Variants in NDFIP1 observed in about 807,000 individuals in gnomAD.
NDFIP1 encodes NEDD4 family-interacting protein 1.
Under a neutral mutation model 28.8 loss-of-function variants are expected in NDFIP1, and 7 were observed. That is an observed-to-expected ratio of 0.24 (90% CI 0.14 to 0.46). The LOEUF (loss-of-function observed/expected upper bound fraction) is 0.46. Ranked by LOEUF, NDFIP1 falls within the 20% of genes least tolerant of loss-of-function variation. The pLI, the probability that NDFIP1 is intolerant of heterozygous loss-of-function variation, is 0.99. For missense variants in NDFIP1, 194 were observed against 269.1 expected, an observed-to-expected ratio of 0.72 and a Z score of 1.95; for synonymous variants, 92 against 101.0, an observed-to-expected ratio of 0.91 and a Z score of 0.53.
Position 142,153,705 on chromosome 5 carries a change from T to C in NDFIP1, c.*1977T>C, listed in dbSNP as rs1757470632. On this transcript the variant is annotated 3_prime_UTR_variant, in exon 8 of 8. Transcript: ENST00000253814. ...CTAAGTTCCAGAATGAAAAGATCTG[T>C]AACAATCTGAATAGATGTGGACACA... is the stretch of plus-strand genomic sequence containing the variant. 3.9e-6 allele frequency: 1 copy of C among 257,514 alleles called. No homozygotes were observed. Among genetic ancestry groups the C allele is most frequent in the Non-Finnish European group, 7.7e-6 (1 of 129,054 alleles). 16.0% of individuals were successfully genotyped at this position (257,514 alleles called of 1,614,324 possible).
intron 3 of NDFIP1, among the ~76,000 whole-genome samples, chr5:142,134,956 C>T (rs754980439): frequency 2.6e-5 from 4 of 152,014 alleles, no homozygotes; most frequent in South Asian, 2.1e-4. Context: ...ATATCAGCCT[C>T]GTAAAGCACT....
At chr5:142,110,482 C>G (rs961678744) in intron 1 of NDFIP1, among the ~76,000 whole-genome samples, 3 of 152,120 alleles carry the variant, frequency 2.0e-5, no homozygotes, top group Non-Finnish European at 4.4e-5. Flanking sequence ...TTTGTACTGC[C>G]ATCTTCTTGA....
chr5:142,142,968 T>TATATATATATA (rs1757352438), intron 6 of NDFIP1: 17 of 127,930 alleles, frequency 1.3e-4, no homozygotes, highest in South Asian at 5.3e-4. Context: ...TATATATATA[T>TATATATATATA]TAATAAGAGT....
intron 1 of NDFIP1, among the ~76,000 whole-genome samples, chr5:142,124,064 C>A (rs17208684): frequency 0.27 from 41,461 of 152,066 alleles, 6,970 homozygotes; most frequent in Non-Finnish European, 0.37. Context: ...GATCATGACC[C>A]ATCAAGGACC....
chr5:142,136,335 T>C (rs1303980948), intron 4 of NDFIP1, among the ~76,000 whole-genome samples: 1 of 152,244 alleles, frequency 6.6e-6, no homozygotes, highest in Non-Finnish European at 1.5e-5. Context: ...TGATGTTATA[T>C]AAGTTGTCAA....
chr5:142,120,410 T>A (rs7700877), intron 1 of NDFIP1, among the ~76,000 whole-genome samples: 1 of 152,194 alleles, frequency 6.6e-6, no homozygotes, highest in Non-Finnish European at 1.5e-5. Flanking sequence ...ACAGGTTGTT[T>A]TTTGGCTTTC....
intron 1 of NDFIP1, among the ~76,000 whole-genome samples, chr5:142,130,380 A>G (rs1200700562): frequency 6.6e-6 from 1 of 152,230 alleles, no homozygotes; most frequent in Non-Finnish European, 1.5e-5. Flanking sequence ...ATCTATTGAC[A>G]GATATATGTA....
At chr5:142,114,692 A>C (rs1299532092) in intron 1 of NDFIP1, among the ~76,000 whole-genome samples, 4 of 152,258 alleles carry the variant, frequency 2.6e-5, no homozygotes, top group Non-Finnish European at 5.9e-5. Flanking sequence ...CACATGAGGA[A>C]TATATCATGA....
At chr5:142,123,238 C>T (rs565518521) in intron 1 of NDFIP1, among the ~76,000 whole-genome samples, 1 of 152,292 alleles carries the variant, frequency 6.6e-6, no homozygotes, top group South Asian at 2.1e-4. Context: ...GCTGGTATTA[C>T]AGGCATGAGC....
rs1001578597 is a variant in NDFIP1 at position 142,151,916 on chromosome 5, C to A, written c.*188C>A. 3 of 152,682 alleles carry A rather than the reference C, an allele frequency of 2.0e-5. No individual in the cohort carries two copies. The highest frequency in any genetic ancestry group is 7.2e-5 in the African/African-American group (3 of 41,410). 9.5% of individuals were successfully genotyped at this position (152,682 alleles called of 1,614,324 possible). ...AGGTGTAAAATTTTAATAGTTAATG[C>A]AGAATTCTGTAATCATTGAATCATT... On this transcript the variant is annotated 3_prime_UTR_variant, in exon 8 of 8. Transcript: ENST00000253814.
rs144693491 is a variant in NDFIP1, at chr5:142,118,289, G to A, written c.63+9252G>A. ...ATATAATGTGGTAATGTTACATTTA[G>A]TCGTCCTGTCTCCTTAGGCTCTTCT... On this transcript the variant is annotated intron_variant, in intron 1 of 7. Coordinates refer to ENST00000253814, the MANE Select transcript of NDFIP1 (RefSeq NM_030571.4). 5.9e-5 allele frequency among the ~76,000 whole-genome samples: 9 copies of A among 152,214 alleles called. No individual in the cohort carries two copies. In the East Asian group the frequency reaches 1.5e-3, roughly 26 times the overall value.
intron 1 of NDFIP1, among the ~76,000 whole-genome samples, chr5:142,110,755 C>G (rs142413422): frequency 7.0e-4 from 106 of 152,044 alleles, no homozygotes; most frequent in African/African-American, 2.5e-3. Flanking sequence ...TGTAAATATA[C>G]ATAGTTATAG....
chr5:142,137,196 C>T (rs1248045549), intron 4 of NDFIP1, among the ~76,000 whole-genome samples: 1 of 151,894 alleles, frequency 6.6e-6, no homozygotes, highest in African/African-American at 2.4e-5. Flanking sequence ...GCTCTGTTGC[C>T]CAGGCTGAAT....
At chr5:142,149,434 CTTT>C (rs10684292) in intron 7 of NDFIP1, among the ~76,000 whole-genome samples, 3 of 114,684 alleles carry the variant, frequency 2.6e-5, no homozygotes, top group African/African-American at 3.4e-5. Context: ...TATTGGATTC[CTTT>C]TTTTTTTTTT....
In NDFIP1 at chr5:142,131,900, G is replaced by T; in HGVS notation, c.151+5G>T. 6.3e-7 allele frequency: 1 copy of T among 1,587,280 alleles called. No homozygotes were observed. Among genetic ancestry groups the T allele is most frequent in the Non-Finnish European group, 8.5e-7 (1 of 1,171,444 alleles). On this transcript the variant is annotated splice_donor_5th_base_variant and intron_variant, in intron 2 of 7. Coordinates refer to ENST00000253814, the MANE Select transcript of NDFIP1 (RefSeq NM_030571.4). ...GCATTTCTGCAGAGAGCGCAGGTAG[G>T]TAACAGGGCAAGGTGATCACGGAAT...
At chr5:142,123,328 C>G (rs1757139549) in intron 1 of NDFIP1, among the ~76,000 whole-genome samples, 1 of 151,906 alleles carries the variant, frequency 6.6e-6, no homozygotes, top group South Asian at 2.1e-4. Context: ...GAGGCAGGGT[C>G]TTGCTATGTT....
In NDFIP1 at chr5:142,131,890, G is replaced by A. The variant is rs1260644827; in HGVS notation, c.146G>A (p.Ser49Asn). The A allele has an allele frequency of 4.4e-6, 7 of 1,595,168 alleles. No homozygotes were observed. The highest frequency in any genetic ancestry group is 1.4e-5 in the African/African-American group (1 of 73,628). Reference protein sequence around the residue: ...PPPYSSISAESAAYFDYKDES... With the variant: ...PPPYSSISAENAAYFDYKDES... The stretch of plus-strand genomic sequence containing the variant: ...CCTTACAGCAGCATTTCTGCAGAGA[G>A]CGCAGGTAGGTAACAGGGCAAGGTG... The change falls in exon 2 of 8, where the codon AGC (serine) becomes AAC (asparagine). Residue 49 changes from serine to asparagine, a missense_variant. Ser to Asn is a conservative substitution (Grantham distance 46, BLOSUM62 1). Transcript: ENST00000253814.
Position 142,108,839 on chromosome 5 carries a change from G to A in NDFIP1, c.-136G>A, listed in dbSNP as rs924992721. ...GCTTACAGCCTGAGAAGAGCGTCTCGCCCGGGAGCGGCGGCGGCCATCGAG... is the reference window on the plus strand; with the variant it reads ...GCTTACAGCCTGAGAAGAGCGTCTCACCCGGGAGCGGCGGCGGCCATCGAG... On this transcript the variant is annotated 5_prime_UTR_variant, in exon 1 of 8. Coordinates refer to ENST00000253814, the MANE Select transcript of NDFIP1 (RefSeq NM_030571.4). 3.0e-6 allele frequency: 2 copies of A among 659,398 alleles called. No homozygotes were observed. Among genetic ancestry groups the A allele is most frequent in the African/African-American group, 3.8e-5 (2 of 52,186 alleles). The allele number at this position is 659,398 out of a possible 1,614,324, so 40.8% of individuals were successfully genotyped here.
chr5:142,135,848 C>T (rs1176849832), intron 4 of NDFIP1, 31 bp downstream of exon 4: 11 of 1,501,292 alleles, frequency 7.3e-6, no homozygotes, highest in African/African-American at 2.7e-5. Context: ...GAACCACCCC[C>T]TACAAACTAG....
Sources: gnomAD v4.1 joint callset for allele counts (sites outside exome capture counted in the v4.1 genomes callset) on GRCh38, gnomAD v4.1.1 for gene constraint, MANE v1.5 for transcripts, NCBI Gene and HGNC (gene_info 2026-07-23, HGNC 2026-07-21) for gene names.